Variants in PEBP4 observed in about 807,000 individuals in gnomAD.
PEBP4 encodes phosphatidylethanolamine binding protein 4.
A neutral mutation model predicts 23.9 loss-of-function variants in PEBP4; 22 were observed. That is an observed-to-expected ratio of 0.92 (90% confidence interval 0.66 to 1.31). PEBP4 has a LOEUF of 1.31. Among genes scored for constraint, PEBP4 ranks in the 40% most tolerant of loss-of-function variants. PEBP4 has a pLI of 0.00. For synonymous variants in PEBP4, 112 were observed against 99.3 expected, an observed-to-expected ratio of 1.13 and a Z score of -0.76; for missense variants, 324 against 281.7, an observed-to-expected ratio of 1.15 and a Z score of -1.07.
chr8:22,791,473 C>T (rs975406712), intron 4 of PEBP4, among the ~76,000 whole-genome samples: 13 of 151,914 alleles, frequency 8.6e-5, no homozygotes, highest in African/African-American at 3.1e-4. Flanking sequence ...TATTGGAATC[C>T]TCTTCTCCAA....
chr8:22,829,874 C>A (rs961607992), intron 3 of PEBP4, among the ~76,000 whole-genome samples: 9 of 152,202 alleles, frequency 5.9e-5, no homozygotes, highest in Non-Finnish European at 1.2e-4. Context: ...CCCACTAACT[C>A]CTTAATCCAA....
intron 3 of PEBP4, among the ~76,000 whole-genome samples, chr8:22,905,428 G>C (rs1002313357): frequency 6.6e-6 from 1 of 152,254 alleles, no homozygotes; most frequent in Non-Finnish European, 1.5e-5. Context: ...GGCAATTAAA[G>C]TGCAGAGTTT....
At chr8:22,737,205 A>T (rs929505074) in intron 4 of PEBP4, among the ~76,000 whole-genome samples, 3 of 151,476 alleles carry the variant, frequency 2.0e-5, no homozygotes, top group African/African-American at 7.3e-5. Context: ...GAGGCAGGAG[A>T]ATCGCTTGAA....
At chr8:22,826,766 G>A (rs1806977191) in intron 3 of PEBP4, among the ~76,000 whole-genome samples, 1 of 152,220 alleles carries the variant, frequency 6.6e-6, no homozygotes, top group Non-Finnish European at 1.5e-5. Flanking sequence ...AAAACTAAGA[G>A]AGGCTGTGGG....
intron 4 of PEBP4, among the ~76,000 whole-genome samples, chr8:22,809,561 C>T (rs6557595): frequency 2.6e-5 from 4 of 151,882 alleles, no homozygotes; most frequent in East Asian, 3.9e-4. Flanking sequence ...AATCTCAGGC[C>T]GCCACTTGCT....
intron 2 of PEBP4, 25 bp from the exon 3 acceptor site, chr8:22,920,335 C>A: frequency 6.2e-7 from 1 of 1,600,040 alleles, no homozygotes; most frequent in South Asian, 1.1e-5. Context: ...GGGAGGTTGC[C>A]CTGTGTCAGG....
intron 4 of PEBP4, among the ~76,000 whole-genome samples, chr8:22,776,274 C>T (rs1328618363): frequency 6.6e-6 from 1 of 152,196 alleles, no homozygotes; most frequent in East Asian, 1.9e-4. Context: ...TCCCTTTCCC[C>T]TTTCTTCATT....
intron 4 of PEBP4, among the ~76,000 whole-genome samples, chr8:22,761,825 T>C (rs1585259306): frequency 6.6e-6 from 1 of 151,824 alleles, no homozygotes; most frequent in African/African-American, 2.4e-5. Flanking sequence ...CTTTCTCTCT[T>C]TTTTTTTACA....
At chr8:22,762,497 CAA>C (rs1805528578) in intron 4 of PEBP4, among the ~76,000 whole-genome samples, 2 of 152,142 alleles carry the variant, frequency 1.3e-5, no homozygotes, top group South Asian at 4.2e-4. Context: ...TGAGAAAAAG[CAA>C]GGTCAATTTT....
intron 3 of PEBP4, among the ~76,000 whole-genome samples, chr8:22,902,142 A>G (rs1808725212): frequency 1.3e-5 from 2 of 152,120 alleles, no homozygotes; most frequent in South Asian, 4.2e-4. Flanking sequence ...AACATGGACA[A>G]ACCCCTAAAA....
At chr8:22,773,648 G>A (rs1444176009) in intron 4 of PEBP4, among the ~76,000 whole-genome samples, 1 of 152,212 alleles carries the variant, frequency 6.6e-6, no homozygotes, top group Non-Finnish European at 1.5e-5. Context: ...AGGGTGCTCA[G>A]GAGGGAGGCT....
intron 4 of PEBP4, among the ~76,000 whole-genome samples, chr8:22,803,822 G>T (rs1187330240): frequency 6.6e-6 from 1 of 152,096 alleles, no homozygotes; most frequent in Non-Finnish European, 1.5e-5. Context: ...CCAGAGCCAG[G>T]GGCCATCCTC....
chr8:22,799,329 G>C (rs1047194946), intron 4 of PEBP4, among the ~76,000 whole-genome samples: 2 of 152,194 alleles, frequency 1.3e-5, no homozygotes, highest in Non-Finnish European at 2.9e-5. Flanking sequence ...ACCAGTTCAT[G>C]AACTCTCCCC....
chr8:22,731,343 G>A (rs1804727529), intron 4 of PEBP4, among the ~76,000 whole-genome samples: 1 of 152,132 alleles, frequency 6.6e-6, no homozygotes, highest in Admixed American at 6.5e-5. Flanking sequence ...TGATGAGGAT[G>A]GAGACCTTTA....
chr8:22,809,055 C>T (rs1268229415), intron 4 of PEBP4, among the ~76,000 whole-genome samples: 3 of 152,110 alleles, frequency 2.0e-5, no homozygotes, highest in Non-Finnish European at 4.4e-5. Context: ...ACATTTTGTA[C>T]CATCGAAGGC....
At chr8:22,885,968 T>TCA (rs1208614378) in intron 3 of PEBP4, 1 of 152,224 alleles carries the variant, frequency 6.6e-6, no homozygotes, top group Non-Finnish European at 1.5e-5. Flanking sequence ...GGAGACAGGC[T>TCA]CACTTCTCTC....
At chr8:22,825,713 A>G (rs1338045697) in intron 3 of PEBP4, among the ~76,000 whole-genome samples, 1 of 152,244 alleles carries the variant, frequency 6.6e-6, no homozygotes, top group Non-Finnish European at 1.5e-5. Flanking sequence ...ATGATCCAGC[A>G]ATCACACTTT....
intron 1 of PEBP4, among the ~76,000 whole-genome samples, chr8:22,937,870 G>A (rs1444836515): frequency 1.3e-5 from 2 of 152,110 alleles, no homozygotes; most frequent in African/African-American, 4.8e-5. Flanking sequence ...TCTGGGACAA[G>A]TGGATAGCCA....
At chr8:22,825,907 T>C (rs1806957312) in intron 3 of PEBP4, among the ~76,000 whole-genome samples, 1 of 152,240 alleles carries the variant, frequency 6.6e-6, no homozygotes, top group Admixed American at 6.5e-5. Context: ...CTTGAGGTTA[T>C]TATGCTAAGT....
Sources: allele counts gnomAD v4.1 joint callset (sites outside exome capture counted in the v4.1 genomes callset), GRCh38; gene constraint gnomAD v4.1.1; transcripts MANE v1.5; gene names NCBI Gene and HGNC (gene_info 2026-07-23, HGNC 2026-07-21).